The following CLEC16A variants were observed in gnomAD, a reference collection of about 807,000 sequenced individuals.
CLEC16A encodes the protein protein CLEC16A.
CLEC16A carries 51 observed loss-of-function variants against 109.5 expected under a neutral mutation model. The observed-to-expected ratio is 0.47, with a 90% CI of 0.37 to 0.59. The LOEUF (loss-of-function observed/expected upper bound fraction) is 0.59, where lower values mean the gene tolerates loss of function less well. CLEC16A is among the 20% of genes least tolerant of loss of function. The pLI is 0.00. For missense variants in CLEC16A, 1,339 were observed against 1,394.0 expected (o/e 0.96, Z 0.63); for synonymous variants, 673 against 564.2 (o/e 1.19, Z -2.73).
At chr16:11,165,740 T>C (rs1027815043) in intron 22 of CLEC16A, among the ~76,000 whole-genome samples, 1 of 152,134 alleles carries the variant, frequency 6.6e-6, no homozygotes, top group Non-Finnish European at 1.5e-5. Context: ...TCATCCCCGC[T>C]GGGTCAGTTT....
intron 20 of CLEC16A, among the ~76,000 whole-genome samples, chr16:11,121,079 T>C (rs779857149): frequency 5.9e-5 from 9 of 152,242 alleles, no homozygotes; most frequent in Non-Finnish European, 1.2e-4. Context: ...TAACTACATG[T>C]ACTATTTTTA....
chr16:11,003,628 T>A (rs144015396), intron 11 of CLEC16A, among the ~76,000 whole-genome samples: 249 of 152,324 alleles, frequency 1.6e-3, no homozygotes, highest in African/African-American at 5.7e-3. Context: ...TGAGCGAATA[T>A]GTGCAATGTG....
chr16:11,128,802 C>T (rs1406349706), intron 22 of CLEC16A, among the ~76,000 whole-genome samples: 1 of 152,136 alleles, frequency 6.6e-6, no homozygotes, highest in Non-Finnish European at 1.5e-5. Context: ...CACCCACCAG[C>T]CTGCTTGGCC....
chr16:11,103,982 T>G (rs1212221201), intron 19 of CLEC16A, among the ~76,000 whole-genome samples: 12 of 152,196 alleles, frequency 7.9e-5, no homozygotes, highest in Admixed American at 7.8e-4. Context: ...TCAGATCCAT[T>G]TGACCAGAAG....
At chr16:11,095,415 G>T (rs578227846) in intron 19 of CLEC16A, among the ~76,000 whole-genome samples, 87 of 152,190 alleles carry the variant, frequency 5.7e-4, no homozygotes, top group African/African-American at 2.0e-3. Flanking sequence ...TTCTCTCCAC[G>T]GGCCAGCTCT....
chr16:11,029,129 T>C (rs2046592164), intron 13 of CLEC16A, among the ~76,000 whole-genome samples: 2 of 152,340 alleles, frequency 1.3e-5, no homozygotes, highest in South Asian at 2.1e-4. Flanking sequence ...TGATCCTTTT[T>C]TGAGGCTTGC....
intron 19 of CLEC16A, among the ~76,000 whole-genome samples, chr16:11,108,051 A>G (rs765185708): frequency 7.2e-5 from 11 of 152,184 alleles, no homozygotes; most frequent in Non-Finnish European, 1.2e-4. Flanking sequence ...CAAGTCACCA[A>G]TGTAATTCTG....
chr16:11,169,234 C>T (rs983214015), intron 23 of CLEC16A, among the ~76,000 whole-genome samples: 7 of 152,152 alleles, frequency 4.6e-5, no homozygotes, highest in East Asian at 1.9e-4. Context: ...CCAGACCCTC[C>T]GAAGTCAGAA....
At chr16:11,089,492 C>T (rs1567302351) in intron 19 of CLEC16A, among the ~76,000 whole-genome samples, 2 of 152,210 alleles carry the variant, frequency 1.3e-5, no homozygotes. Context: ...GCAGTCCTAG[C>T]TGTGAAATTG....
chr16:11,016,550 G>T (rs1217520306), intron 11 of CLEC16A, among the ~76,000 whole-genome samples: 1 of 151,910 alleles, frequency 6.6e-6, no homozygotes, highest in African/African-American at 2.4e-5. Context: ...TGGCCAGGCT[G>T]ATCTCAAACT....
intron 19 of CLEC16A, among the ~76,000 whole-genome samples, chr16:11,067,432 C>T (rs938896100): frequency 4.6e-5 from 7 of 151,208 alleles, no homozygotes; most frequent in African/African-American, 1.5e-4. Context: ...GTGTGGGTGC[C>T]GAGAAGTGGC....
chr16:10,963,965 C>A (rs756218707), intron 3 of CLEC16A, among the ~76,000 whole-genome samples: 3 of 152,228 alleles, frequency 2.0e-5, no homozygotes, highest in African/African-American at 2.4e-5. Context: ...CCTAATCCTC[C>A]ACGCTAGACT....
intron 3 of CLEC16A, 91 bp downstream of exon 3, chr16:10,962,679 C>G: frequency 7.2e-7 from 1 of 1,388,840 alleles, no homozygotes; most frequent in South Asian, 1.2e-5. Flanking sequence ...GCTTACTATT[C>G]GTCGGCTCAG....
At position 10,954,014 on chromosome 16, in the gene CLEC16A, C is replaced by T. The variant is rs1226898997; in HGVS notation, c.81-3768C>T. Reference sequence around the variant, plus strand: ...ATGGGCAAAAGACTTGCACAGGCACCTCACAAAAGAAGATATTCAAACAGT... The same window carrying T: ...ATGGGCAAAAGACTTGCACAGGCACTTCACAAAAGAAGATATTCAAACAGT... On this transcript the variant is annotated intron_variant, in intron 1 of 23. Transcript: ENST00000409790. This position sits in a 1 kb window ranked among gnomAD's most constrained non-coding sequence, Gnocchi z 4.2. Among the ~76,000 whole-genome samples, 3 of 151,976 alleles carry T rather than the reference C, an allele frequency of 2.0e-5. No individual in the cohort carries two copies. The highest frequency in any genetic ancestry group is 2.0e-4 in the Admixed American group (3 of 15,250).
intron 19 of CLEC16A, among the ~76,000 whole-genome samples, chr16:11,095,118 T>C (rs536658170): frequency 6.6e-6 from 1 of 152,162 alleles, no homozygotes; most frequent in Non-Finnish European, 1.5e-5. Flanking sequence ...TGGGTAGTCT[T>C]TTAAATGACA....
intron 13 of CLEC16A, 149 bp from the exon 14 acceptor site, chr16:11,039,605 C>G (rs1293475395): frequency 3.8e-6 from 4 of 1,058,508 alleles, no homozygotes; most frequent in Non-Finnish European, 5.2e-6. Flanking sequence ...CTATTAAAAA[C>G]TAAAAAAAAG....
chr16:10,950,786 C>T (rs1166660787), intron 1 of CLEC16A, among the ~76,000 whole-genome samples: 2 of 152,192 alleles, frequency 1.3e-5, no homozygotes, highest in Non-Finnish European at 2.9e-5. Context: ...CTCTACCACA[C>T]CTGAGACATT....
At chr16:11,019,788 A>G (rs1024768347) in intron 11 of CLEC16A, among the ~76,000 whole-genome samples, 10 of 151,998 alleles carry the variant, frequency 6.6e-5, no homozygotes, top group Admixed American at 5.9e-4. Flanking sequence ...AAAAAAAAAA[A>G]ATGTAAGGAG....
At chr16:10,997,211 C>T (rs763465381) in intron 10 of CLEC16A, among the ~76,000 whole-genome samples, 73 of 152,238 alleles carry the variant, frequency 4.8e-4, no homozygotes, top group Admixed American at 1.4e-3. Flanking sequence ...ATCCTCCTGC[C>T]TTAGCCTCCC....
Sources: gnomAD v4.1 joint callset for allele counts (sites outside exome capture counted in the v4.1 genomes callset) on GRCh38, gnomAD v4.1.1 for gene constraint, Gnocchi (gnomAD v3.1) non-coding constraint, MANE v1.5 for transcripts, NCBI Gene and HGNC (gene_info 2026-07-23, HGNC 2026-07-21) for gene names.